BLM: variants seen among roughly 807,000 people sequenced by gnomAD.
BLM encodes BLM RecQ like helicase.
A neutral mutation model predicts 135.3 loss-of-function variants in BLM; 95 were observed. The ratio of observed to expected loss-of-function variants is 0.70; its 90% CI spans 0.59 to 0.83. BLM has a LOEUF of 0.83. BLM is among the 40% of genes least tolerant of loss of function. The pLI is 0.00. For missense variants in BLM, 1,518 were observed against 1,663.9 expected, an observed-to-expected ratio of 0.91 and a Z score of 1.53; for synonymous variants, 520 against 589.2, an observed-to-expected ratio of 0.88 and a Z score of 1.70.
chr15:90,780,583 C>G (rs1166054452), intron 12 of BLM, among the ~76,000 whole-genome samples: 1 of 152,240 alleles, frequency 6.6e-6, no homozygotes, highest in East Asian at 1.9e-4. Context: ...CCAGCCCTTC[C>G]TATCTGCAGT....
intron 14 of BLM, among the ~76,000 whole-genome samples, chr15:90,786,278 A>G (rs1896747674): frequency 6.6e-6 from 1 of 151,944 alleles, no homozygotes; most frequent in South Asian, 2.1e-4. Context: ...GTGAGCCACC[A>G]TCCCCGATGT....
At position 90,798,170 on chromosome 15, in the gene BLM, T is replaced by C; in HGVS notation, c.3211-20T>C. 6.3e-7 allele frequency: 1 copy of C among 1,580,360 alleles called. No individual in the cohort carries two copies. Among genetic ancestry groups the C allele is most frequent in the Middle Eastern group, 1.8e-4 (1 of 5,522 alleles). ...TTGTTACCTTAATTATAGCAGAAAG[T>C]ATTCTCTTTTTATTCATAGGATTAT... On this transcript the variant is annotated intron_variant, in intron 16 of 21. Coordinates refer to ENST00000355112, the MANE Select transcript of BLM (RefSeq NM_000057.4).
intron 1 of BLM, among the ~76,000 whole-genome samples, chr15:90,720,272 T>C (rs1378218548): frequency 1.3e-5 from 2 of 152,204 alleles, no homozygotes; most frequent in African/African-American, 4.8e-5. Context: ...CTGTAGATAT[T>C]AGCTGAATGA....
rs191763705 is a variant in BLM, at chr15:90,797,222, T to C, written c.3211-968T>C. Among the ~76,000 whole-genome samples the C allele has an allele frequency of 3.9e-5, 6 of 152,112 alleles. No individual in the cohort carries two copies. In the East Asian group the frequency reaches 1.2e-3, roughly 29 times the overall value. ...TGAGGTCAGGAGTTAAAGACTAGCC[T>C]GGCCAACGTGGTGAAACCCCATCTC... On this transcript the variant is annotated intron_variant, in intron 16 of 21. Transcript: ENST00000355112.
At chr15:90,771,079 A>G (rs752320369) in intron 12 of BLM, among the ~76,000 whole-genome samples, 1 of 152,050 alleles carries the variant, frequency 6.6e-6, no homozygotes, top group Non-Finnish European at 1.5e-5. Flanking sequence ...TGTGATCACA[A>G]AGTTTGGAAT....
At chr15:90,790,549 A>T in intron 14 of BLM, 100 bp from the exon 15 acceptor site, 1 of 1,176,720 alleles carries the variant, frequency 8.5e-7, no homozygotes. Context: ...TGTGCATTTT[A>T]AAGTAAAACA....
At chr15:90,747,263 A>AATT in intron 1 of BLM, 126 bp from the exon 2 acceptor site, 1 of 459,624 alleles carries the variant, frequency 2.2e-6, no homozygotes, top group African/African-American at 2.2e-5. Context: ...AAAAAAAAAA[A>AATT]GTCCTATTAC....
chr15:90,790,597 T>C, intron 14 of BLM, 52 bp from the exon 15 acceptor site: 1 of 1,530,120 alleles, frequency 6.5e-7, no homozygotes. Context: ...TATGAAAATG[T>C]TCCTTCAAGT....
rs1248352364 is a variant in BLM, at chr15:90,761,246, A to G, written c.1873A>G (p.Asn625Asp). Residue 625 changes from asparagine to aspartate, a missense_variant, in exon 7 of 22, where the codon AAT (asparagine) becomes GAT (aspartate). Physicochemically the swap from Asn to Asp is conservative, Grantham distance 23 (BLOSUM62 1). Around this residue, in one of 5 missense-constraint regions of BLM, gnomAD observed 724 missense variants for 756.9 expected, o/e 0.96. Coordinates refer to ENST00000355112, the MANE Select transcript of BLM (RefSeq NM_000057.4). ...QNINFSESIQ[N>D]YTDKSAQNLA... ...TATAAACTTCTCAGAGTCAATTCAG[A>G]ATTATACTGGTAAGTTTAAAATAAA... 6.5e-7 allele frequency: 1 copy of G among 1,529,668 alleles called. No individual in the cohort carries two copies. Among genetic ancestry groups the G allele is most frequent in the Non-Finnish European group, 8.8e-7 (1 of 1,140,650 alleles). The allele number at this position is 1,529,668 out of a possible 1,614,324, so 94.8% of individuals were successfully genotyped here. A position where few individuals can be genotyped will look rare whatever the true frequency, so the allele number is the denominator to read the frequency against.
At chr15:90,798,359 T>C (rs1185200788) in intron 17 of BLM, 22 bp downstream of exon 17, 2 of 1,609,488 alleles carry the variant, frequency 1.2e-6, no homozygotes, top group East Asian at 4.5e-5. Flanking sequence ...GTTTTGAATG[T>C]TTGAGTTACT....
At chr15:90,809,022 T>C in intron 19 of BLM, 115 bp from the exon 20 acceptor site, 1 of 1,461,498 alleles carries the variant, frequency 6.8e-7, no homozygotes, top group Non-Finnish European at 9.6e-7. Flanking sequence ...GTGTTCCCAG[T>C]ACCCTGCAGT....
intron 5 of BLM, chr15:90,755,205 G>A: frequency 4.4e-6 from 2 of 457,164 alleles, no homozygotes; most frequent in East Asian, 4.0e-5. Flanking sequence ...GCCAAGATCT[G>A]CAACTTTAAT....
At chr15:90,788,466 G>GTTT (rs1210685761) in intron 14 of BLM, among the ~76,000 whole-genome samples, 2 of 58,866 alleles carry the variant, frequency 3.4e-5, no homozygotes, top group African/African-American at 6.7e-5. Flanking sequence ...AAATGCCAGT[G>GTTT]TTTTGTTTTT....
intron 1 of BLM, among the ~76,000 whole-genome samples, chr15:90,740,750 G>A (rs896225228): frequency 1.6e-4 from 24 of 152,136 alleles, no homozygotes; most frequent in Admixed American, 8.5e-4. Flanking sequence ...TGCTGTTCTT[G>A]TGAGAGTGAA....
At chr15:90,735,372 C>T (rs1477619226) in intron 1 of BLM, among the ~76,000 whole-genome samples, 1 of 150,044 alleles carries the variant, frequency 6.7e-6, no homozygotes, top group African/African-American at 2.4e-5. Context: ...TTCTAAAGTT[C>T]ATATAGAAAA....
At position 90,767,040 on chromosome 15, in the gene BLM, T is replaced by C; in HGVS notation, c.2307+17T>C. 7.0e-7 allele frequency: 1 copy of C among 1,432,198 alleles called. No individual in the cohort carries two copies. The highest frequency in any genetic ancestry group is 9.7e-7 in the Non-Finnish European group (1 of 1,027,742). 88.7% of individuals were successfully genotyped at this position (1,432,198 alleles called of 1,614,324 possible). On this transcript the variant is annotated intron_variant, in intron 10 of 21. Transcript: ENST00000355112. The stretch of plus-strand genomic sequence containing the variant: ...CCAGAAAAGGTTTGTATTTATATCA[T>C]TATTTTAAAATATATTAAAGACCAC...
At chr15:90,785,497 T>C (rs1427648737) in intron 14 of BLM, among the ~76,000 whole-genome samples, 1 of 151,950 alleles carries the variant, frequency 6.6e-6, no homozygotes, top group Non-Finnish European at 1.5e-5. Flanking sequence ...ACTCTGTACA[T>C]TGCATGTAAA....
intron 8 of BLM, among the ~76,000 whole-genome samples, chr15:90,764,315 G>A (rs951613552): frequency 6.7e-6 from 1 of 149,402 alleles, no homozygotes; most frequent in African/African-American, 2.4e-5. Flanking sequence ...TATATAGTGT[G>A]TGTGTAAATA....
At chr15:90,814,430 C>G (rs934511550) in intron 21 of BLM, among the ~76,000 whole-genome samples, 1 of 152,176 alleles carries the variant, frequency 6.6e-6, no homozygotes, top group South Asian at 2.1e-4. Flanking sequence ...ACTTGGTAAT[C>G]GGCTCTGGCG....
Sources: gnomAD v4.1 joint callset for allele counts (sites outside exome capture counted in the v4.1 genomes callset) on GRCh38, gnomAD v4.1.1 for gene constraint, gnomAD v4.1.1 regional missense constraint, MANE v1.5 for transcripts, NCBI Gene and HGNC (gene_info 2026-07-23, HGNC 2026-07-21) for gene names.